Variants in HSD17B4 observed in about 807,000 individuals in gnomAD.
HSD17B4 encodes the protein hydroxysteroid 17-beta dehydrogenase 4.
Under a neutral mutation model 101.0 loss-of-function variants are expected in HSD17B4, and 70 were observed. The ratio of observed to expected loss-of-function variants is 0.69; its 90% confidence interval spans 0.57 to 0.85. HSD17B4 has a LOEUF of 0.85. Among genes scored for constraint, HSD17B4 ranks in the 40% least tolerant of loss-of-function variants. The pLI is 0.00. For synonymous variants in HSD17B4, 347 were observed against 297.1 expected (o/e 1.17, Z -1.73); for missense variants, 984 against 892.4 (o/e 1.10, Z -1.31).
chr5:119,508,063 T>C (rs1446273183), intron 15 of HSD17B4, among the ~76,000 whole-genome samples: 2 of 152,104 alleles, frequency 1.3e-5, no homozygotes, highest in African/African-American at 2.4e-5. Context: ...TTTTTGATGC[T>C]CTTAAATATT....
At chr5:119,459,295 A>G (rs1175238819) in intron 2 of HSD17B4, among the ~76,000 whole-genome samples, 1 of 152,198 alleles carries the variant, frequency 6.6e-6, no homozygotes, top group Non-Finnish European at 1.5e-5. Flanking sequence ...TTCCGGGATT[A>G]TGGTGAGGGT....
At chr5:119,461,721 C>CAAAA (rs545291977) in intron 2 of HSD17B4, among the ~76,000 whole-genome samples, 1 of 74,900 alleles carries the variant, frequency 1.3e-5, no homozygotes, top group African/African-American at 5.3e-5. Context: ...CTGTCTTTGC[C>CAAAA]AAAAAAAAAA....
chr5:119,459,430 G>A (rs2126624905), intron 2 of HSD17B4, among the ~76,000 whole-genome samples: 1 of 152,290 alleles, frequency 6.6e-6, no homozygotes, highest in South Asian at 2.1e-4. Flanking sequence ...CTTGTTGACT[G>A]AGGTCTTGTT....
At position 119,527,223 on chromosome 5, in the gene HSD17B4, T is replaced by C. The variant is rs747282423; in HGVS notation, c.1767+4T>C. ...CAGAATTCATTTTCAAACCAAGGTA[T>C]GAATTTTGCTTTTTCACCCTTCTCA... On this transcript the variant is annotated splice_donor_region_variant and intron_variant, in intron 20 of 23. Transcript: ENST00000510025. 55 of 1,579,004 alleles carry C rather than the reference T, an allele frequency of 3.5e-5. No homozygotes were observed. In the South Asian group the frequency reaches 5.4e-4, roughly 16 times the overall value.
chr5:119,489,495 G>T (rs763346293), intron 9 of HSD17B4, among the ~76,000 whole-genome samples: 3 of 152,134 alleles, frequency 2.0e-5, no homozygotes, highest in Non-Finnish European at 4.4e-5. Context: ...CCTACCAAAT[G>T]AAAATGTGGC....
chr5:119,474,068 T>G, intron 3 of HSD17B4, 53 bp downstream of exon 3: 1 of 945,668 alleles, frequency 1.1e-6, no homozygotes, highest in Middle Eastern at 2.1e-4. Context: ...TAATGCTATT[T>G]GTCACATTAA....
intron 1 of HSD17B4, among the ~76,000 whole-genome samples, chr5:119,455,566 C>CTATATATATA (rs145606093): frequency 1.7e-5 from 2 of 120,010 alleles, no homozygotes; most frequent in African/African-American, 3.0e-5. Context: ...CTCTCTCTCT[C>CTATATATATA]TCTATATATA....
intron 13 of HSD17B4, among the ~76,000 whole-genome samples, chr5:119,501,605 T>C (rs1751171106): frequency 2.6e-5 from 4 of 152,180 alleles, no homozygotes; most frequent in Admixed American, 2.6e-4. Context: ...AGGTTTTTCT[T>C]TGTGTTTTAG....
chr5:119,452,933 C>T (rs1754214010), intron 1 of HSD17B4: 1 of 1,206,372 alleles, frequency 8.3e-7, no homozygotes, highest in East Asian at 2.5e-5. Context: ...TCTCCCTGAC[C>T]CTTATCTGTG....
At chr5:119,515,078 C>T (rs1317371850) in intron 17 of HSD17B4, 32 bp downstream of exon 17, 1 of 1,232,986 alleles carries the variant, frequency 8.1e-7, no homozygotes, top group Non-Finnish European at 1.2e-6. Flanking sequence ...ATGATAAATC[C>T]ACCTGGTTGA....
intron 6 of HSD17B4, chr5:119,476,774 C>G: frequency 1.2e-6 from 1 of 844,960 alleles, no homozygotes; most frequent in Non-Finnish European, 1.4e-6. Flanking sequence ...CCTGACTACC[C>G]TTCTCCCTCT....
chr5:119,468,138 T>C (rs1262446860), intron 2 of HSD17B4, among the ~76,000 whole-genome samples: 1 of 152,162 alleles, frequency 6.6e-6, no homozygotes, highest in Non-Finnish European at 1.5e-5. Flanking sequence ...CTCTTCAGTT[T>C]GGTGGTTTTT....
At chr5:119,473,815 G>A in intron 2 of HSD17B4, 93 bp from the exon 3 acceptor site, 5 of 782,066 alleles carry the variant, frequency 6.4e-6, no homozygotes, top group Non-Finnish European at 1.1e-5. Context: ...GAAGAGATGT[G>A]CTAGTAATTA....
At chr5:119,511,322 G>A (rs1371430662) in intron 16 of HSD17B4, among the ~76,000 whole-genome samples, 2 of 152,142 alleles carry the variant, frequency 1.3e-5, no homozygotes, top group East Asian at 1.9e-4. Context: ...TGGTAGTTCC[G>A]TAACAGCAGG....
At chr5:119,504,261 T>C (rs1012514255) in intron 14 of HSD17B4, among the ~76,000 whole-genome samples, 1 of 152,204 alleles carries the variant, frequency 6.6e-6, no homozygotes, top group Non-Finnish European at 1.5e-5. Flanking sequence ...TATGTCTTTT[T>C]GGTGGAATGA....
rs369780639 is a variant in HSD17B4 at position 119,485,124 on chromosome 5, C to G, written c.623-4068C>G. On this transcript the variant is annotated intron_variant, in intron 8 of 23. Coordinates refer to ENST00000510025, the MANE Select transcript of HSD17B4 (RefSeq NM_000414.4). ...CTAACTTTGTACCTTCTTTCTACCCCCCTGCTTCATACCAAGAGACAAACC... is the reference window on the plus strand; with the variant it reads ...CTAACTTTGTACCTTCTTTCTACCCGCCTGCTTCATACCAAGAGACAAACC... Among the ~76,000 whole-genome samples, 9 of 152,210 alleles carry G rather than the reference C, an allele frequency of 5.9e-5. No individual in the cohort carries two copies. The South Asian group carries it at 1.0e-3, about 18-fold the overall frequency.
chr5:119,536,314 C>T, intron 22 of HSD17B4, 109 bp from the exon 23 acceptor site: 2 of 990,534 alleles, frequency 2.0e-6, no homozygotes, highest in Non-Finnish European at 3.2e-6. Flanking sequence ...AGAATAAGTG[C>T]CACATTAACA....
At chr5:119,520,107 C>G (rs1014330883) in intron 17 of HSD17B4, among the ~76,000 whole-genome samples, 3 of 151,522 alleles carry the variant, frequency 2.0e-5, no homozygotes, top group African/African-American at 7.3e-5. Flanking sequence ...AAAAATAAAT[C>G]ATTGAGAAAC....
At chr5:119,453,948 G>A (rs898546316) in intron 1 of HSD17B4, among the ~76,000 whole-genome samples, 1 of 152,126 alleles carries the variant, frequency 6.6e-6, no homozygotes, top group Non-Finnish European at 1.5e-5. Context: ...AGACGTTTTT[G>A]CCATCGCTAA....
Sources: allele counts gnomAD v4.1 joint callset (sites outside exome capture counted in the v4.1 genomes callset), GRCh38; gene constraint gnomAD v4.1.1; transcripts MANE v1.5; gene names NCBI Gene and HGNC (gene_info 2026-07-23, HGNC 2026-07-21).